The following SCN1A variants were observed in gnomAD, a reference collection of about 807,000 sequenced individuals.
The protein encoded by SCN1A is sodium channel protein type 1 subunit alpha.
In SCN1A, 13 loss-of-function variants were observed where a neutral mutation model predicts 193.7. That is an observed-to-expected ratio of 0.07 (90% CI 0.04 to 0.11). The LOEUF (loss-of-function observed/expected upper bound fraction) is 0.11, where lower values mean the gene tolerates loss of function less well. Ranked by LOEUF, SCN1A falls within the 10% of genes least tolerant of loss-of-function variation. SCN1A has a pLI of 1.00. For synonymous variants in SCN1A, 781 were observed against 843.6 expected, an observed-to-expected ratio of 0.93 and a Z score of 1.29; for missense variants, 1,432 against 2,451.1, an observed-to-expected ratio of 0.58 and a Z score of 8.78.
At position 166,113,898 on chromosome 2, in the gene SCN1A, A is replaced by AT. The variant is rs1689569970; in HGVS notation, c.-142+13025dup. 2.6e-5 allele frequency among the ~76,000 whole-genome samples: 4 copies of AT among 152,326 alleles called. No individual in the cohort carries two copies. In the East Asian group the frequency reaches 7.7e-4, roughly 29 times the overall value. Reference sequence around the variant, plus strand: ...AATTTTTAAAATTGATAAAATAATAATTAAAATTGTTTTTCACACTCTAAT... The same window carrying AT: ...AATTTTTAAAATTGATAAAATAATAATTTAAAATTGTTTTTCACACTCTAAT... On this transcript the variant is annotated intron_variant, in intron 2 of 28. Transcript: ENST00000674923.
intron 19 of SCN1A, 71 bp from the exon 20 acceptor site, chr2:166,015,798 T>G: frequency 6.5e-7 from 1 of 1,549,828 alleles, no homozygotes; most frequent in Non-Finnish European, 8.9e-7. Flanking sequence ...AAGAAAGGAT[T>G]ATTACTATGA....
intron 19 of SCN1A, among the ~76,000 whole-genome samples, chr2:166,023,506 T>G (rs1694340598): frequency 2.0e-5 from 3 of 152,276 alleles, no homozygotes; most frequent in Admixed American, 2.0e-4. Flanking sequence ...AGCTTTAATT[T>G]TCTATGACTT....
intron 11 of SCN1A, 91 bp downstream of exon 11, chr2:166,047,536 A>G (rs1697985413): frequency 7.1e-7 from 1 of 1,413,070 alleles, no homozygotes; most frequent in East Asian, 2.3e-5. Context: ...TGCTCTTTCT[A>G]CTATATTATC....
At chr2:166,115,350 G>A (rs1242049472) in intron 2 of SCN1A, among the ~76,000 whole-genome samples, 3 of 152,036 alleles carry the variant, frequency 2.0e-5, no homozygotes, top group Non-Finnish European at 4.4e-5. Context: ...AAACAAGAGC[G>A]AAACTCCGTC....
intron 19 of SCN1A, among the ~76,000 whole-genome samples, chr2:166,025,649 C>G (rs1212763381): frequency 6.6e-6 from 1 of 152,128 alleles, no homozygotes; most frequent in African/African-American, 2.4e-5. Flanking sequence ...AGAATTCTGC[C>G]TGATACACCA....
At chr2:166,052,126 T>C (rs1698643858) in intron 8 of SCN1A, 138 bp from the exon 9 acceptor site, 2 of 696,836 alleles carry the variant, frequency 2.9e-6, no homozygotes, top group Admixed American at 2.9e-5. Flanking sequence ...CAACACTTCA[T>C]TGAAGGGGAA....
chr2:166,108,041 A>G (rs780511801), intron 2 of SCN1A, among the ~76,000 whole-genome samples: 4 of 152,060 alleles, frequency 2.6e-5, no homozygotes, highest in Non-Finnish European at 5.9e-5. Context: ...TGCAAATCAT[A>G]TATCTGATAA....
rs556506921 is a variant in SCN1A, at chr2:166,049,306, C to T, written c.965-357G>A. 8.6e-5 allele frequency among the ~76,000 whole-genome samples: 13 copies of T among 151,870 alleles called. No homozygotes were observed. In the South Asian group the frequency reaches 1.7e-3, roughly 19 times the overall value. The stretch of plus-strand genomic sequence containing the variant: ...TATTAGCATTTGTTCACCATTCTCA[C>T]GAAAAAAATTCATTCAGTAAAAATA... On this transcript the variant is annotated intron_variant, in intron 9 of 28. Transcript: ENST00000674923.
At chr2:166,125,121 A>C (rs1360038363) in intron 2 of SCN1A, among the ~76,000 whole-genome samples, 3 of 152,194 alleles carry the variant, frequency 2.0e-5, no homozygotes, top group African/African-American at 7.2e-5. Context: ...AACTAATGCA[A>C]TCTCAATTGA....
rs192747296 is a variant in SCN1A, at chr2:166,030,951, C to G, written c.3429+5097G>C. Among the ~76,000 whole-genome samples, 25 of 152,188 alleles carry G rather than the reference C, an allele frequency of 1.6e-4. No homozygotes were observed. In the East Asian group the frequency reaches 4.8e-3, roughly 29 times the overall value. On this transcript the variant is annotated intron_variant, in intron 19 of 28. Coordinates refer to ENST00000674923, the MANE Select transcript of SCN1A (RefSeq NM_001165963.4). ...AGTTTTGCCCAGCCTTCAAAGCTCT[C>G]TCAGATCTGTCCAAGTCACCATTCT...
At chr2:166,126,074 C>T (rs1364229381) in intron 2 of SCN1A, among the ~76,000 whole-genome samples, 1 of 152,144 alleles carries the variant, frequency 6.6e-6, no homozygotes, top group Non-Finnish European at 1.5e-5. Flanking sequence ...AATTCCATTG[C>T]TGGGTCCATG....
intron 9 of SCN1A, among the ~76,000 whole-genome samples, chr2:166,051,261 A>G (rs1054916992): frequency 1.3e-5 from 2 of 152,066 alleles, no homozygotes; most frequent in Admixed American, 1.3e-4. Context: ...AAGGTGATTA[A>G]CAAAATTCTT....
At chr2:166,131,430 T>A (rs1022657375), upstream of SCN1A, among the ~76,000 whole-genome samples, 3 of 151,686 alleles carry the variant, frequency 2.0e-5, no homozygotes, top group Non-Finnish European at 4.4e-5. Flanking sequence ...GTTGTTACTT[T>A]GTTATAGCTC....
intron 26 of SCN1A, among the ~76,000 whole-genome samples, chr2:165,997,163 T>C (rs955387743): frequency 6.6e-5 from 10 of 150,690 alleles, no homozygotes; most frequent in Non-Finnish European, 1.3e-4. Flanking sequence ...CCCTCTCTCT[T>C]TTTTTTTGTA....
chr2:166,093,813 G>A (rs1687085340), intron 2 of SCN1A, among the ~76,000 whole-genome samples: 1 of 152,182 alleles, frequency 6.6e-6, no homozygotes, highest in African/African-American at 2.4e-5. Context: ...AAGTTAAATA[G>A]CACAAGTTAA....
chr2:166,019,902 A>G (rs553347863), intron 19 of SCN1A, among the ~76,000 whole-genome samples: 21 of 146,708 alleles, frequency 1.4e-4, no homozygotes, highest in Admixed American at 1.3e-3. Flanking sequence ...ATGTTAATCA[A>G]GGTGAACTTC....
At chr2:166,044,176 A>G in intron 13 of SCN1A, 127 bp from the exon 14 acceptor site, 1 of 1,084,148 alleles carries the variant, frequency 9.2e-7, no homozygotes, top group Non-Finnish European at 1.3e-6. Context: ...ATTCCTTTTG[A>G]TTATCATTCT....
intron 2 of SCN1A, among the ~76,000 whole-genome samples, chr2:166,103,942 G>A (rs573419073): frequency 6.6e-6 from 1 of 152,196 alleles, no homozygotes; most frequent in Non-Finnish European, 1.5e-5. Context: ...AGCTAGAGCT[G>A]ATTTGTCTGA....
At chr2:166,107,033 C>A (rs1049230144) in intron 2 of SCN1A, among the ~76,000 whole-genome samples, 15 of 152,044 alleles carry the variant, frequency 9.9e-5, no homozygotes, top group Admixed American at 5.9e-4. Context: ...TTCTTAACAG[C>A]TACATACATT....
Sources: gnomAD v4.1 joint callset for allele counts (sites outside exome capture counted in the v4.1 genomes callset) on GRCh38, gnomAD v4.1.1 for gene constraint, MANE v1.5 for transcripts, NCBI Gene and HGNC (gene_info 2026-07-23, HGNC 2026-07-21) for gene names.